The following ANKRD44 variants were observed in gnomAD, a reference collection of about 807,000 sequenced individuals.
The protein encoded by ANKRD44 is ankyrin repeat domain 44.
A neutral mutation model predicts 116.0 loss-of-function variants in ANKRD44; 35 were observed. The observed-to-expected ratio is 0.30, with a 90% confidence interval of 0.23 to 0.40. The LOEUF is 0.40. Ranked by LOEUF, ANKRD44 falls within the 10% of genes least tolerant of loss-of-function variation. The pLI is 1.00. For missense variants in ANKRD44, 1,014 were observed against 1,242.6 expected, an observed-to-expected ratio of 0.82 and a Z score of 2.77; for synonymous variants, 435 against 461.8, an observed-to-expected ratio of 0.94 and a Z score of 0.74.
At chr2:197,038,915 C>A (rs925518038) in intron 16 of ANKRD44, among the ~76,000 whole-genome samples, 15 of 151,924 alleles carry the variant, frequency 9.9e-5, no homozygotes, top group African/African-American at 3.6e-4. Context: ...GAAAGTAATG[C>A]AAAGAATTGC....
chr2:197,013,128 T>A (rs2076328185), intron 18 of ANKRD44, among the ~76,000 whole-genome samples: 1 of 152,246 alleles, frequency 6.6e-6, no homozygotes, highest in Non-Finnish European at 1.5e-5. Context: ...AATACATTAA[T>A]ATGAATATGA....
At chr2:197,052,365 T>C (rs576441324) in intron 16 of ANKRD44, among the ~76,000 whole-genome samples, 13 of 152,314 alleles carry the variant, frequency 8.5e-5, no homozygotes, top group Admixed American at 3.3e-4. Flanking sequence ...GCTTGGAGGA[T>C]GAAGTGCAAT....
At chr2:197,053,651 T>C (rs775088903) in intron 16 of ANKRD44, among the ~76,000 whole-genome samples, 58 of 152,256 alleles carry the variant, frequency 3.8e-4, no homozygotes, top group Non-Finnish European at 6.5e-4. Context: ...GCCCATCTAA[T>C]TTTGTATTTT....
chr2:197,083,099 A>C (rs930372), intron 14 of ANKRD44, among the ~76,000 whole-genome samples: 138,530 of 152,318 alleles, frequency 0.91, 63,325 homozygotes, highest in East Asian at 1. Flanking sequence ...AAATAAATTA[A>C]AACAGATTTT....
At chr2:197,107,141 T>C (rs2078451346) in intron 9 of ANKRD44, among the ~76,000 whole-genome samples, 1 of 152,168 alleles carries the variant, frequency 6.6e-6, no homozygotes. Flanking sequence ...CCTCTAAGCA[T>C]TCATCTGAAA....
intron 25 of ANKRD44, 82 bp downstream of exon 25, chr2:196,998,255 A>G: frequency 9.5e-7 from 1 of 1,047,494 alleles, no homozygotes; most frequent in South Asian, 1.4e-5. Flanking sequence ...CATGCTACAC[A>G]GTTCCGAGGT....
intron 16 of ANKRD44, among the ~76,000 whole-genome samples, chr2:197,032,853 G>A (rs2076733369): frequency 6.6e-6 from 1 of 152,188 alleles, no homozygotes; most frequent in Non-Finnish European, 1.5e-5. Context: ...CATTGGAGGT[G>A]GGGAAAGAGG....
chr2:197,184,989 T>G (rs2080618080), intron 2 of ANKRD44, among the ~76,000 whole-genome samples: 1 of 152,236 alleles, frequency 6.6e-6, no homozygotes, highest in Non-Finnish European at 1.5e-5. Context: ...CAGTACAAAC[T>G]TTTTTGGTAT....
In ANKRD44 at chr2:197,239,805, G is replaced by A. The variant is rs140555073; in HGVS notation, c.28-52699C>T. Among the ~76,000 whole-genome samples the A allele has an allele frequency of 2.5e-3, 377 of 152,216 alleles. 1 individual carries two copies. Among genetic ancestry groups the A allele is most frequent in the Non-Finnish European group, 3.8e-3 (259 of 67,994 alleles). On this transcript the variant is annotated intron_variant, in intron 1 of 27. Transcript: ENST00000282272. ...TCTTGCTTTAGTAACTAGTTTTTGG[G>A]AGTTTCACTATCTCAATGGATTTCA...
intron 1 of ANKRD44, among the ~76,000 whole-genome samples, chr2:197,246,614 A>G (rs2082199027): frequency 6.6e-6 from 1 of 151,484 alleles, no homozygotes; most frequent in African/African-American, 2.4e-5. Flanking sequence ...CCAACCCCCT[A>G]TGCAATCTTT....
chr2:196,998,443 G>A lies in ANKRD44; in HGVS notation c.2666-24C>T, dbSNP rs376131091. 36 of 1,582,062 alleles carry A rather than the reference G, an allele frequency of 2.3e-5. No individual in the cohort carries two copies. The African/African-American group carries it at 3.6e-4, about 16-fold the overall frequency. The stretch of plus-strand genomic sequence containing the variant: ...ATCTGTAGAAAAAGCCCAAAAGAGG[G>A]TTACTTAGATGAGATGCTAATTACA... On this transcript the variant is annotated intron_variant, in intron 24 of 27. Transcript: ENST00000282272.
intron 21 of ANKRD44, among the ~76,000 whole-genome samples, chr2:197,004,605 G>C (rs973365548): frequency 2.0e-5 from 3 of 152,042 alleles, no homozygotes; most frequent in African/African-American, 7.2e-5. Flanking sequence ...AATTTAAAAA[G>C]GTGTTATTCT....
intron 2 of ANKRD44, among the ~76,000 whole-genome samples, chr2:197,171,382 A>T (rs1404548300): frequency 6.6e-6 from 1 of 152,220 alleles, no homozygotes; most frequent in Non-Finnish European, 1.5e-5. Context: ...CAAAGGAGCT[A>T]ATATAGTCAG....
chr2:196,973,225 T>C (rs2075728013), intron 21 of ANKRD44, among the ~76,000 whole-genome samples: 1 of 152,204 alleles, frequency 6.6e-6, no homozygotes, highest in Admixed American at 6.5e-5. Flanking sequence ...TTTTTGAATA[T>C]TTAGATTTCT....
chr2:197,143,582 T>C (rs892589255), intron 3 of ANKRD44, among the ~76,000 whole-genome samples: 4 of 152,120 alleles, frequency 2.6e-5, no homozygotes, highest in Admixed American at 1.3e-4. Flanking sequence ...TGCCACATTT[T>C]CTTAATCCAG....
chr2:196,991,889 G>A (rs1391683379), intron 27 of ANKRD44, among the ~76,000 whole-genome samples: 1 of 152,112 alleles, frequency 6.6e-6, no homozygotes, highest in Non-Finnish European at 1.5e-5. Flanking sequence ...ATCACACCTG[G>A]CCTAACAGAA....
intron 2 of ANKRD44, among the ~76,000 whole-genome samples, chr2:197,183,822 C>T (rs966471156): frequency 6.6e-5 from 10 of 152,110 alleles, no homozygotes; most frequent in African/African-American, 2.4e-4. Context: ...CATTTCTCTC[C>T]CTCCCTCCAT....
chr2:197,067,877 C>T (rs1327184914), intron 16 of ANKRD44, among the ~76,000 whole-genome samples: 5 of 143,908 alleles, frequency 3.5e-5, no homozygotes, highest in Middle Eastern at 3.5e-3. Flanking sequence ...ACCCAAAGGA[C>T]TATAAATCAT....
At chr2:197,077,573 C>T (rs1040420750) in intron 16 of ANKRD44, among the ~76,000 whole-genome samples, 6 of 152,058 alleles carry the variant, frequency 3.9e-5, no homozygotes, top group South Asian at 4.1e-4. Context: ...TTGCTTTGTA[C>T]GAACTACACC....
Sources: allele counts gnomAD v4.1 joint callset (sites outside exome capture counted in the v4.1 genomes callset), GRCh38; gene constraint gnomAD v4.1.1; transcripts MANE v1.5; gene names NCBI Gene and HGNC (gene_info 2026-07-23, HGNC 2026-07-21).